FAT3: variants seen among roughly 807,000 people sequenced by gnomAD.
The protein encoded by FAT3 is protocadherin Fat 3.
In FAT3, 95 loss-of-function variants were observed where a neutral mutation model predicts 310.2. That is an observed-to-expected ratio of 0.31 (90% CI 0.26 to 0.36). The LOEUF (loss-of-function observed/expected upper bound fraction) is 0.36. FAT3 is among the 10% of genes least tolerant of loss of function. FAT3 has a pLI of 1.00. For missense variants in FAT3, 5,408 were observed against 5,715.6 expected, an observed-to-expected ratio of 0.95 and a Z score of 1.74; for synonymous variants, 2,314 against 2,192.9, an observed-to-expected ratio of 1.06 and a Z score of -1.54.
At chr11:92,236,475 G>C (rs1864426088) in intron 1 of FAT3, among the ~76,000 whole-genome samples, 1 of 152,000 alleles carries the variant, frequency 6.6e-6, no homozygotes, top group African/African-American at 2.4e-5. Flanking sequence ...GCGTGTCTTG[G>C]GAATGTCCTA....
chr11:92,831,932 T>C lies in FAT3; in HGVS notation c.9792T>C (p.Asp3264=). 1 of 1,603,368 alleles carries C rather than the reference T, an allele frequency of 6.2e-7. No homozygotes were observed. The highest frequency in any genetic ancestry group is 1.3e-5 in the African/African-American group (1 of 74,904). The stretch of plus-strand genomic sequence containing the variant: ...TTGCTGTTTTTGCCACCAGCAAAGA[T>C]ATTGGCACAAATGCTGAGATCACTT... ...QVLAVFATSK[D]IGTNAEITYL... The change falls in exon 14 of 28, where the codon GAT becomes GAC. Residue 3264 remains aspartate, a synonymous_variant. Coordinates refer to ENST00000525166, the MANE Select transcript of FAT3 (RefSeq NM_001367949.2).
At chr11:92,522,821 A>G in intron 2 of FAT3, among the ~76,000 whole-genome samples, 1 of 152,244 alleles carries the variant, frequency 6.6e-6, no homozygotes, top group African/African-American at 2.4e-5. Context: ...TGAACATAGA[A>G]TGTATGTTGC....
Position 92,636,949 on chromosome 11 carries a change from G to A in FAT3, c.3608-60435G>A, listed in dbSNP as rs147101072. 8.2e-3 allele frequency among the ~76,000 whole-genome samples: 1,247 copies of A among 152,140 alleles called. 25 individuals are homozygous for A. The highest frequency in any genetic ancestry group is 0.029 in the African/African-American group (1,190 of 41,492). ...CTGGTCTTACATAGCCTCTCTACTT[G>A]GACCTCTGGCCATCACTGCAGATGC... On this transcript the variant is annotated intron_variant, in intron 3 of 27. Transcript: ENST00000525166.
At chr11:92,586,807 A>C (rs1939181005) in intron 3 of FAT3, among the ~76,000 whole-genome samples, 1 of 151,964 alleles carries the variant, frequency 6.6e-6, no homozygotes, top group Non-Finnish European at 1.5e-5. Context: ...TTGAAATATC[A>C]TGCTTTTAAG....
At chr11:92,812,578 T>A (rs1314462459) in intron 13 of FAT3, among the ~76,000 whole-genome samples, 1 of 141,516 alleles carries the variant, frequency 7.1e-6, no homozygotes, top group Admixed American at 7.2e-5. Flanking sequence ...CAAGACTCCA[T>A]CTCAAAAAAA....
intron 2 of FAT3, chr11:92,400,806 AAT>A (rs1949996948): frequency 6.6e-6 from 1 of 152,186 alleles, no homozygotes; most frequent in South Asian, 2.1e-4. Flanking sequence ...ACAGATCAAT[AAT>A]ATTCAAAAGA....
At chr11:92,840,791 G>A (rs369484409) in intron 18 of FAT3, 32 bp downstream of exon 18, 3 of 1,488,304 alleles carry the variant, frequency 2.0e-6, no homozygotes, top group Middle Eastern at 2.1e-4. Flanking sequence ...CCGTCGTGCT[G>A]TCTTTCTTTC....
chr11:92,422,691 A>T (rs1950556559), intron 2 of FAT3, among the ~76,000 whole-genome samples: 1 of 152,144 alleles, frequency 6.6e-6, no homozygotes, highest in Non-Finnish European at 1.5e-5. Flanking sequence ...AGTAAGAGGA[A>T]CAAAAGGCTG....
At chr11:92,395,249 G>A (rs1949840753) in intron 2 of FAT3, among the ~76,000 whole-genome samples, 1 of 152,086 alleles carries the variant, frequency 6.6e-6, no homozygotes, top group Admixed American at 6.6e-5. Context: ...TACTTGAATT[G>A]ATTGACAGTA....
At chr11:92,505,539 T>C (rs1444730842) in intron 2 of FAT3, among the ~76,000 whole-genome samples, 1 of 152,156 alleles carries the variant, frequency 6.6e-6, no homozygotes, top group Non-Finnish European at 1.5e-5. Flanking sequence ...CTGCCGCAGC[T>C]TTCTGTGAGT....
At chr11:92,415,948 C>T (rs1591258013) in intron 2 of FAT3, among the ~76,000 whole-genome samples, 1 of 145,278 alleles carries the variant, frequency 6.9e-6, no homozygotes, top group South Asian at 2.2e-4. Flanking sequence ...TCATCCTTAG[C>T]CTCCCAGGTA....
In FAT3 at chr11:92,801,065, C is replaced by A. The variant is rs542131779; in HGVS notation, c.8052C>A (p.Gly2684=). Residue 2684 remains glycine, a synonymous_variant, in exon 10 of 28, where the codon GGC becomes GGA. Coordinates refer to ENST00000525166, the MANE Select transcript of FAT3 (RefSeq NM_001367949.2). ...LSFFVKAVDG[G]IPVKHSLIPV... is the part of the protein sequence containing the mutation. ...TCTTTGTCAAAGCAGTAGATGGGGG[C>A]ATCCCAGTAAAGCACTCCCTCATTC... 10 of 1,613,882 alleles carry A rather than the reference C, an allele frequency of 6.2e-6. No individual in the cohort carries two copies. Among genetic ancestry groups the A allele is most frequent in the Non-Finnish European group, 8.5e-6 (10 of 1,179,856 alleles).
intron 3 of FAT3, among the ~76,000 whole-genome samples, chr11:92,639,514 C>G (rs1941882559): frequency 6.6e-6 from 1 of 152,080 alleles, no homozygotes; most frequent in East Asian, 1.9e-4. Flanking sequence ...CTCTCCTCCC[C>G]CATGCCCCAT....
chr11:92,562,890 T>C (rs1955284929), intron 3 of FAT3, among the ~76,000 whole-genome samples: 1 of 152,214 alleles, frequency 6.6e-6, no homozygotes, highest in Admixed American at 6.5e-5. Context: ...TTATTCAGTC[T>C]ACTAATTAAA....
At chr11:92,715,097 A>G (rs1215912643) in intron 4 of FAT3, among the ~76,000 whole-genome samples, 7 of 152,076 alleles carry the variant, frequency 4.6e-5, no homozygotes, top group Admixed American at 6.6e-5. Context: ...AATGTAATAA[A>G]TGTTCTGGGA....
chr11:92,576,131 G>A (rs1004930865), intron 3 of FAT3, among the ~76,000 whole-genome samples: 4 of 152,226 alleles, frequency 2.6e-5, no homozygotes, highest in Admixed American at 1.3e-4. Context: ...TAAGAATAGC[G>A]TCTTAAGGGA....
chr11:92,816,252 A>G (rs905536622), intron 13 of FAT3, among the ~76,000 whole-genome samples: 1 of 152,218 alleles, frequency 6.6e-6, no homozygotes, highest in Admixed American at 6.5e-5. Context: ...GGCTTAGCAA[A>G]GCAAAAGCTT....
intron 3 of FAT3, among the ~76,000 whole-genome samples, chr11:92,632,139 C>G (rs774949661): frequency 3.9e-5 from 6 of 152,170 alleles, no homozygotes; most frequent in Non-Finnish European, 5.9e-5. Flanking sequence ...TCTAAAAGAT[C>G]ATCAACACAG....
At chr11:92,418,658 C>G (rs1950471855) in intron 2 of FAT3, among the ~76,000 whole-genome samples, 1 of 152,064 alleles carries the variant, frequency 6.6e-6, no homozygotes, top group Non-Finnish European at 1.5e-5. Context: ...TTGGCCCTAC[C>G]ACTCTGGGGA....
Sources: gnomAD v4.1 joint callset for allele counts (sites outside exome capture counted in the v4.1 genomes callset) on GRCh38, gnomAD v4.1.1 for gene constraint, MANE v1.5 for transcripts, NCBI Gene and HGNC (gene_info 2026-07-23, HGNC 2026-07-21) for gene names.